The following RMDN3 variants were observed in gnomAD, a reference collection of about 807,000 sequenced individuals.
RMDN3 encodes regulator of microtubule dynamics 3, also known as regulator of microtubule dynamics protein 3.
In RMDN3, 41 loss-of-function variants were observed where a neutral mutation model predicts 61.8. The ratio of observed to expected loss-of-function variants is 0.66; its 90% CI spans 0.52 to 0.86. RMDN3 has a LOEUF of 0.86. Among genes scored for constraint, RMDN3 ranks in the 40% least tolerant of loss-of-function variants. The pLI, the probability that RMDN3 is intolerant of heterozygous loss-of-function variation, is 0.00. For missense variants in RMDN3, 557 were observed against 585.3 expected (o/e 0.95, Z 0.50); for synonymous variants, 247 against 232.0 (o/e 1.06, Z -0.59).
intron 6 of RMDN3, among the ~76,000 whole-genome samples, chr15:40,741,356 C>A (rs1043025249): frequency 1.3e-5 from 2 of 151,966 alleles, no homozygotes; most frequent in African/African-American, 2.4e-5. Context: ...AAAAAAAATT[C>A]TCAAAAGGAT....
intron 4 of RMDN3, among the ~76,000 whole-genome samples, chr15:40,745,795 T>C (rs149151251): frequency 6.6e-6 from 1 of 152,288 alleles, no homozygotes; most frequent in Non-Finnish European, 1.5e-5. Context: ...CCTGCTCGTT[T>C]TTGCCTTATC....
In RMDN3 at chr15:40,738,676, G is replaced by A. The variant is rs1027158251; in HGVS notation, c.972-100C>T. The stretch of plus-strand genomic sequence containing the variant: ...CCTAGTTGCATTGTCCCCTATCCCT[G>A]TACCCTCAACTAGAGCTGAAAATAC... On this transcript the variant is annotated intron_variant, in intron 7 of 12. Coordinates refer to ENST00000338376, the MANE Select transcript of RMDN3 (RefSeq NM_018145.3). 43 of 1,134,106 alleles carry A rather than the reference G, an allele frequency of 3.8e-5. No homozygotes were observed. The East Asian group carries it at 9.5e-4, about 25-fold the overall frequency. The allele number at this position is 1,134,106 out of a possible 1,614,324, so 70.3% of individuals were successfully genotyped here.
intron 5 of RMDN3, among the ~76,000 whole-genome samples, chr15:40,744,501 G>C (rs76458435): frequency 1.2e-4 from 16 of 132,960 alleles, no homozygotes; most frequent in East Asian, 2.0e-4. Context: ...TCTAACTTCT[G>C]GGGGGGGGGC....
chr15:40,737,658 A>G lies in RMDN3; in HGVS notation c.1194T>C (p.Thr398=), dbSNP rs1365282725. 1 of 1,614,080 alleles carries G rather than the reference A, an allele frequency of 6.2e-7. No individual in the cohort carries two copies. The highest frequency in any genetic ancestry group is 8.5e-7 in the Non-Finnish European group (1 of 1,180,006). The part of the protein sequence containing the change: ...TALLESPLSA[T]VEDALQSFLK... ...GGAAGCTCTGGAGGGCATCTTCCACAGTGGCACTGAGAGGGCTTTCAAGCA... is the reference window on the plus strand; with the variant it reads ...GGAAGCTCTGGAGGGCATCTTCCACGGTGGCACTGAGAGGGCTTTCAAGCA... The change falls in exon 10 of 13, where the codon ACT becomes ACC. Residue 398 remains threonine (T), a synonymous_variant. Coordinates refer to ENST00000338376, the MANE Select transcript of RMDN3 (RefSeq NM_018145.3).
intron 4 of RMDN3, among the ~76,000 whole-genome samples, chr15:40,748,593 GA>G (rs1897677330): frequency 6.6e-6 from 1 of 152,216 alleles, no homozygotes; most frequent in Non-Finnish European, 1.5e-5. Flanking sequence ...ACTGACCCCA[GA>G]AGTTTGTACT....
chr15:40,738,723 T>C (rs1459116322), intron 7 of RMDN3, 147 bp from the exon 8 acceptor site: 2 of 710,984 alleles, frequency 2.8e-6, no homozygotes, highest in Admixed American at 2.4e-5. Flanking sequence ...CTGTACGTAA[T>C]CCCCATTCTT....
chr15:40,748,815 G>A (rs1897687940), intron 4 of RMDN3, among the ~76,000 whole-genome samples: 1 of 151,346 alleles, frequency 6.6e-6, no homozygotes, highest in Non-Finnish European at 1.5e-5. Context: ...GGCCGGGCTG[G>A]TCTCGAACTC....
At chr15:40,754,460 T>G in intron 2 of RMDN3, 137 bp downstream of exon 2, 3 of 938,818 alleles carry the variant, frequency 3.2e-6, no homozygotes, top group Non-Finnish European at 3.0e-6. Flanking sequence ...ACGACTGCTT[T>G]TTCAACAAGC....
Position 40,735,909 on chromosome 15 carries a change from C to G in RMDN3, c.*632G>C, listed in dbSNP as rs1897019128. 6.6e-6 allele frequency: 1 copy of G among 152,192 alleles called. No individual in the cohort carries two copies. Among genetic ancestry groups the G allele is most frequent in the African/African-American group, 2.4e-5 (1 of 41,442 alleles). 9.4% of individuals were successfully genotyped at this position (152,192 alleles called of 1,614,324 possible). ...TGATAACATCAAATTTGGTTTATTT[C>G]AAGTTTGTAACAAAATATATTCTAG... On this transcript the variant is annotated 3_prime_UTR_variant, in exon 13 of 13. Coordinates refer to ENST00000338376, the MANE Select transcript of RMDN3 (RefSeq NM_018145.3).
intron 2 of RMDN3, 142 bp from the exon 3 acceptor site, chr15:40,752,320 T>C: frequency 1.2e-6 from 1 of 818,386 alleles, no homozygotes; most frequent in Non-Finnish European, 1.9e-6. Context: ...CACAGCCAGG[T>C]CATGGTAACA....
At chr15:40,738,957 T>C (rs1483414308) in intron 7 of RMDN3, 1 of 177,858 alleles carries the variant, frequency 5.6e-6, no homozygotes, top group Non-Finnish European at 1.2e-5. Flanking sequence ...ATACTACTTA[T>C]CTTCTGGGCA....
At chr15:40,738,181 G>A in intron 8 of RMDN3, 139 bp from the exon 9 acceptor site, 1 of 856,132 alleles carries the variant, frequency 1.2e-6, no homozygotes, top group Non-Finnish European at 1.9e-6. Context: ...GAGGTCAGGA[G>A]TTCGAAACCA....
intron 12 of RMDN3, 52 bp downstream of exon 12, chr15:40,737,072 G>C (rs574748998): frequency 1.6e-4 from 232 of 1,460,610 alleles, no homozygotes; most frequent in Non-Finnish European, 2.1e-4. Context: ...AGGCTGTCTC[G>C]AACTCCCGAC....
Position 40,737,271 on chromosome 15 carries a change from T to C in RMDN3, c.1278+17A>G. ...AGGAGTTCCCAGATCTATGTTGAAG[T>C]AGACAAATGAGTTTACCTTGGAAAT... On this transcript the variant is annotated intron_variant, in intron 11 of 12. Transcript: ENST00000338376. The C allele has an allele frequency of 6.2e-7, 1 of 1,613,468 alleles. No individual in the cohort carries two copies.
In RMDN3 at chr15:40,749,359, T is replaced by A. The variant is rs1167312022; in HGVS notation, c.524+2067A>T. 1.4e-4 allele frequency among the ~76,000 whole-genome samples: 21 copies of A among 152,102 alleles called. No homozygotes were observed. In the East Asian group the frequency reaches 3.9e-3, roughly 28 times the overall value. On this transcript the variant is annotated intron_variant, in intron 4 of 12. Coordinates refer to ENST00000338376, the MANE Select transcript of RMDN3 (RefSeq NM_018145.3). ...TGAGACCCCATCTGTACAAAAAAAATAAATAGAATTGGCTGGGCATGGTGG... is the reference window on the plus strand; with the variant it reads ...TGAGACCCCATCTGTACAAAAAAAAAAAATAGAATTGGCTGGGCATGGTGG...
intron 4 of RMDN3, among the ~76,000 whole-genome samples, chr15:40,750,741 G>A (rs533041395): frequency 3.9e-5 from 6 of 152,174 alleles, no homozygotes; most frequent in Non-Finnish European, 7.3e-5. Context: ...AGGAGAAATC[G>A]GCCTCTAGGC....
At chr15:40,743,771 G>C (rs1161724640) in intron 6 of RMDN3, among the ~76,000 whole-genome samples, 2 of 152,234 alleles carry the variant, frequency 1.3e-5, no homozygotes, top group East Asian at 3.8e-4. Flanking sequence ...TCTGTGGCTA[G>C]AGTGAGAAAA....
intron 6 of RMDN3, among the ~76,000 whole-genome samples, chr15:40,742,447 A>G (rs1897320399): frequency 6.6e-6 from 1 of 152,162 alleles, no homozygotes; most frequent in Non-Finnish European, 1.5e-5. Context: ...CTGTCTCACT[A>G]GGAAAATAAT....
At position 40,748,606 on chromosome 15, in the gene RMDN3, C is replaced by A. The variant is rs117832337; in HGVS notation, c.524+2820G>T. 2.4e-4 allele frequency among the ~76,000 whole-genome samples: 36 copies of A among 152,164 alleles called. 1 individual carries two copies. The East Asian group carries it at 6.7e-3, about 29-fold the overall frequency. ...CCACTGACCCCAGAAGTTTGTACTT[C>A]TTTATTTTTTTGGGATGGAGTCTTT... On this transcript the variant is annotated intron_variant, in intron 4 of 12. Coordinates refer to ENST00000338376, the MANE Select transcript of RMDN3 (RefSeq NM_018145.3).
Sources: gnomAD v4.1 joint callset for allele counts (sites outside exome capture counted in the v4.1 genomes callset) on GRCh38, gnomAD v4.1.1 for gene constraint, MANE v1.5 for transcripts, NCBI Gene and HGNC (gene_info 2026-07-23, HGNC 2026-07-21) for gene names.